The following RBFOX1 variants were observed in gnomAD, a reference collection of about 807,000 sequenced individuals.
RBFOX1 encodes the protein RNA binding fox-1 homolog 1, also known as RNA binding protein fox-1 homolog 1.
A neutral mutation model predicts 57.7 loss-of-function variants in RBFOX1; 8 were observed. The observed-to-expected ratio is 0.14, with a 90% CI of 0.08 to 0.25. RBFOX1 has a LOEUF of 0.25. RBFOX1 is among the 10% of genes least tolerant of loss of function. RBFOX1 has a pLI of 1.00. For synonymous variants in RBFOX1, 326 were observed against 222.4 expected (o/e 1.47, Z -4.15); for missense variants, 611 against 548.5 (o/e 1.11, Z -1.14).
rs756775964 is a variant in RBFOX1, at chr16:5,663,371, A to AT, written c.318+64426dup. On this transcript the variant is annotated intron_variant, in intron 3 of 19. Coordinates refer to the RBFOX1 transcript ENST00000641259. ...AGGCACATGCCACCATGCCCAGCTA[A>AT]TTTTTTTTTTTTTTTTAGAAATGGG... is the stretch of plus-strand genomic sequence containing the variant. Among the ~76,000 whole-genome samples the AT allele has an allele frequency of 3.2e-3, 456 of 142,204 alleles. 1 individual carries two copies. The highest frequency in any genetic ancestry group is 6.6e-3 in the African/African-American group (255 of 38,736). The allele number at this position is 142,204 out of a possible 152,430, so 93.3% of individuals were successfully genotyped here.
intron 1 of RBFOX1, among the ~76,000 whole-genome samples, chr16:6,218,588 G>A (rs1009915735): frequency 1.4e-4 from 21 of 152,124 alleles, no homozygotes; most frequent in African/African-American, 5.1e-4. Flanking sequence ...GGGATTACAG[G>A]CATGCACCAC....
At chr16:5,993,989 T>C (rs1328148740) in intron 4 of RBFOX1, among the ~76,000 whole-genome samples, 1 of 152,172 alleles carries the variant, frequency 6.6e-6, no homozygotes, top group Non-Finnish European at 1.5e-5. Flanking sequence ...TATGGGACGG[T>C]TCCTCTGAAA....
At chr16:5,904,740 G>T (rs1042264684) in intron 4 of RBFOX1, among the ~76,000 whole-genome samples, 7 of 151,964 alleles carry the variant, frequency 4.6e-5, no homozygotes, top group Non-Finnish European at 7.4e-5. Flanking sequence ...CACTTTGGGA[G>T]GCTGAGGTGG....
intron 2 of RBFOX1, among the ~76,000 whole-genome samples, chr16:6,638,356 A>G (rs1211430234): frequency 6.6e-6 from 1 of 152,164 alleles, no homozygotes. Context: ...AAGAACATAC[A>G]TGTTCATTTT....
chr16:7,437,519 A>T (rs1017520983), intron 4 of RBFOX1, among the ~76,000 whole-genome samples: 2 of 152,236 alleles, frequency 1.3e-5, no homozygotes, highest in African/African-American at 4.8e-5. Flanking sequence ...CAAGCTGCAG[A>T]GTACCATTTC....
chr16:5,503,322 C>T (rs1250114763), intron 2 of RBFOX1, among the ~76,000 whole-genome samples: 1 of 152,198 alleles, frequency 6.6e-6, no homozygotes, highest in East Asian at 1.9e-4. Flanking sequence ...ACCACTGTCC[C>T]CCACTCTTGA....
chr16:7,410,330 G>C (rs969414549), intron 4 of RBFOX1, among the ~76,000 whole-genome samples: 2 of 152,204 alleles, frequency 1.3e-5, no homozygotes, highest in African/African-American at 4.8e-5. Context: ...TGAGCTGTGG[G>C]AATAATTTGC....
At chr16:6,697,695 G>T (rs962819202) in intron 3 of RBFOX1, among the ~76,000 whole-genome samples, 1 of 152,124 alleles carries the variant, frequency 6.6e-6, no homozygotes, top group East Asian at 1.9e-4. Context: ...GCGAACAAAT[G>T]AAGTTTGGGA....
At chr16:7,040,330 T>C (rs906499695) in intron 3 of RBFOX1, among the ~76,000 whole-genome samples, 3 of 152,140 alleles carry the variant, frequency 2.0e-5, no homozygotes, top group Non-Finnish European at 4.4e-5. Flanking sequence ...AGTTATTTTA[T>C]AGCCACCATT....
intron 2 of RBFOX1, among the ~76,000 whole-genome samples, chr16:6,422,448 C>G (rs966981739): frequency 6.6e-6 from 1 of 151,958 alleles, no homozygotes; most frequent in Non-Finnish European, 1.5e-5. Flanking sequence ...ATCTTATGCC[C>G]ATGTATTAGT....
At chr16:5,459,908 C>T (rs991921039) in intron 1 of RBFOX1, among the ~76,000 whole-genome samples, 1 of 152,140 alleles carries the variant, frequency 6.6e-6, no homozygotes, top group Admixed American at 6.5e-5. Context: ...CCTTAATCTT[C>T]ACTGCCTCTC....
At chr16:6,995,795 G>C (rs769984565) in intron 3 of RBFOX1, among the ~76,000 whole-genome samples, 21 of 151,966 alleles carry the variant, frequency 1.4e-4, no homozygotes, top group Non-Finnish European at 2.8e-4. Context: ...AAAAGGGAAA[G>C]GCTTTGAGGT....
intron 4 of RBFOX1, among the ~76,000 whole-genome samples, chr16:7,164,122 C>T (rs963201560): frequency 1.3e-5 from 2 of 152,076 alleles, no homozygotes; most frequent in African/African-American, 4.8e-5. Flanking sequence ...CCCCCTCCCA[C>T]CCTTTACCCA....
intron 1 of RBFOX1, among the ~76,000 whole-genome samples, chr16:5,331,175 C>A (rs143669950): frequency 6.6e-6 from 1 of 152,194 alleles, no homozygotes; most frequent in African/African-American, 2.4e-5. Context: ...ATAGGGTAAG[C>A]CTGGAATTGG....
intron 4 of RBFOX1, among the ~76,000 whole-genome samples, chr16:7,378,890 G>A (rs139549318): frequency 6.6e-6 from 1 of 152,146 alleles, no homozygotes; most frequent in African/African-American, 2.4e-5. Context: ...AATAACGAAG[G>A]ACTTCTTTAG....
At chr16:5,733,475 G>A (rs2052457058) in intron 3 of RBFOX1, among the ~76,000 whole-genome samples, 1 of 152,188 alleles carries the variant, frequency 6.6e-6, no homozygotes, top group South Asian at 2.1e-4. Flanking sequence ...GAGCAGCAGT[G>A]CTGTCAGTGG....
At position 7,652,474 on chromosome 16, in the gene RBFOX1, C is replaced by G. The variant is rs567858296; in HGVS notation, c.758-1341C>G. 4.5e-4 allele frequency among the ~76,000 whole-genome samples: 68 copies of G among 152,312 alleles called. 1 individual carries two copies. The South Asian group carries it at 0.013, about 30-fold the overall frequency. ...TCAGGCTGGAATGCAGTGGTGCCATCTCGACTCACTGCAACCTCCACCTCC... is the reference window on the plus strand; with the variant it reads ...TCAGGCTGGAATGCAGTGGTGCCATGTCGACTCACTGCAACCTCCACCTCC... On this transcript the variant is annotated intron_variant, in intron 11 of 15. Transcript: ENST00000550418.
intron 15 of RBFOX1, 158 bp from the exon 16 acceptor site, chr16:7,710,465 C>A: frequency 1.3e-6 from 2 of 1,492,140 alleles, no homozygotes; most frequent in Non-Finnish European, 1.8e-6. Context: ...TCAGGAATGG[C>A]CCTATCTTTA....
intron 3 of RBFOX1, among the ~76,000 whole-genome samples, chr16:6,908,839 A>C (rs2070783668): frequency 6.6e-6 from 1 of 152,138 alleles, no homozygotes; most frequent in African/African-American, 2.4e-5. Flanking sequence ...CAGCCTCACA[A>C]GGCTATTGTG....
Sources: gnomAD v4.1 joint callset for allele counts (sites outside exome capture counted in the v4.1 genomes callset) on GRCh38, gnomAD v4.1.1 for gene constraint, MANE v1.5 for transcripts, NCBI Gene and HGNC (gene_info 2026-07-23, HGNC 2026-07-21) for gene names.